The following CACNA1C variants were observed in gnomAD, a reference collection of about 807,000 sequenced individuals.
CACNA1C encodes calcium voltage-gated channel subunit alpha1 C.
Under a neutral mutation model 229.0 loss-of-function variants are expected in CACNA1C, and 30 were observed. The ratio of observed to expected loss-of-function variants is 0.13; its 90% CI spans 0.10 to 0.18. The LOEUF (loss-of-function observed/expected upper bound fraction) is 0.18, where lower values mean the gene tolerates loss of function less well. Among genes scored for constraint, CACNA1C ranks in the 10% least tolerant of loss-of-function variants. CACNA1C has a pLI of 1.00. For synonymous variants in CACNA1C, 1,114 were observed against 1,132.5 expected (o/e 0.98, Z 0.33); for missense variants, 1,658 against 2,845.0 (o/e 0.58, Z 9.49).
At chr12:2,540,668 G>A (rs888913232) in intron 9 of CACNA1C, among the ~76,000 whole-genome samples, 8 of 152,170 alleles carry the variant, frequency 5.3e-5, no homozygotes, top group East Asian at 1.9e-4. Context: ...CCTGGAATAC[G>A]TGCAGGAGGT....
intron 5 of CACNA1C, among the ~76,000 whole-genome samples, chr12:2,459,214 A>AC (rs1169567002): frequency 7.7e-6 from 1 of 130,710 alleles, no homozygotes; most frequent in Admixed American, 8.9e-5. Flanking sequence ...ACGGTGTTTC[A>AC]CCATGTTAGC....
In CACNA1C at chr12:2,601,414, G is replaced by A. The variant is rs1215261830; in HGVS notation, c.2854-440G>A. Among the ~76,000 whole-genome samples, 1 of 151,884 alleles carries A rather than the reference G, an allele frequency of 6.6e-6. No homozygotes were observed. The highest frequency in any genetic ancestry group is 2.4e-5 in the African/African-American group (1 of 41,390). Reference sequence around the variant, plus strand: ...CCCCCCAACCCACCCACTCACGGCAGATGTCTGGTGCTCTCAGCTGGCCTA... The same window carrying A: ...CCCCCCAACCCACCCACTCACGGCAAATGTCTGGTGCTCTCAGCTGGCCTA... On this transcript the variant is annotated intron_variant, in intron 21 of 46. Transcript: ENST00000399655. This position sits in a 1 kb window ranked among gnomAD's most constrained non-coding sequence, Gnocchi z 5.9.
chr12:2,291,151 G>A (rs1048300374), intron 3 of CACNA1C, among the ~76,000 whole-genome samples: 3 of 152,212 alleles, frequency 2.0e-5, no homozygotes, highest in East Asian at 1.9e-4. Flanking sequence ...ACCTACTAGC[G>A]TGTCTGGCAC....
intron 9 of CACNA1C, among the ~76,000 whole-genome samples, chr12:2,524,713 G>A (rs964541661): frequency 1.3e-5 from 2 of 152,262 alleles, no homozygotes; most frequent in South Asian, 2.1e-4. Flanking sequence ...CGGGCCAGCA[G>A]AAGAGGGAGC....
chr12:2,322,514 A>C (rs900703659), intron 3 of CACNA1C, among the ~76,000 whole-genome samples: 1 of 152,184 alleles, frequency 6.6e-6, no homozygotes. Context: ...GCAGGCTCAG[A>C]ACAGCCCTAT....
chr12:2,457,230 G>A (rs1029103284), intron 4 of CACNA1C, among the ~76,000 whole-genome samples: 2 of 152,208 alleles, frequency 1.3e-5, no homozygotes, highest in Admixed American at 6.5e-5. Context: ...AAGCCGGAGG[G>A]CTCCTCAAGG....
At chr12:2,538,868 A>C (rs994700092) in intron 9 of CACNA1C, among the ~76,000 whole-genome samples, 1 of 152,252 alleles carries the variant, frequency 6.6e-6, no homozygotes, top group Non-Finnish European at 1.5e-5. Context: ...CAGTTCCTCA[A>C]TTCCTGGGAA....
chr12:2,021,605 G>GAATCGCTTGCTGCTTAATA (rs1555232742), intron 1 of CACNA1C, among the ~76,000 whole-genome samples: 1 of 151,916 alleles, frequency 6.6e-6, no homozygotes, highest in African/African-American at 2.4e-5. Flanking sequence ...GCTTGAACCC[G>GAATCGCTTGCTGCTTAATA]GGAGGTGGAG....
chr12:2,417,058 A>G (rs996881071), intron 3 of CACNA1C, among the ~76,000 whole-genome samples: 1 of 152,212 alleles, frequency 6.6e-6, no homozygotes, highest in Non-Finnish European at 1.5e-5. Flanking sequence ...CAGTGGATCA[A>G]GTGTGCTGTT....
rs756963412 is a variant in CACNA1C, at chr12:2,611,930, A to T, written c.3745A>T (p.Ile1249Phe). 2 of 1,613,494 alleles carry T rather than the reference A, an allele frequency of 1.2e-6. No homozygotes were observed. The highest frequency in any genetic ancestry group is 1.7e-6 in the Non-Finnish European group (2 of 1,179,492). ...CTACGGCCAGAGCTGCCTGTTCAAA[A>T]TCGCCATGAACATCCTCAACATGCT... ...QHYGQSCLFK[I>F]AMNILNMLFT... Residue 1249 changes from isoleucine (I) to phenylalanine (F), a missense_variant, in exon 29 of 47, where the codon ATC becomes TTC. Coordinates refer to ENST00000399655, the MANE Select transcript of CACNA1C (RefSeq NM_000719.7).
At chr12:2,437,840 A>ATGGTGGTGATGGTGGTGGTAATGG (rs2099153560) in intron 3 of CACNA1C, among the ~76,000 whole-genome samples, 1 of 87,810 alleles carries the variant, frequency 1.1e-5, no homozygotes, top group Non-Finnish European at 2.8e-5. Flanking sequence ...GGTGGTAATG[A>ATGGTGGTGATGGTGGTGGTAATGG]TGGTGGTGAT....
At chr12:2,031,182 T>G (rs966275722) in intron 1 of CACNA1C, among the ~76,000 whole-genome samples, 1 of 152,182 alleles carries the variant, frequency 6.6e-6, no homozygotes, top group African/African-American at 2.4e-5. Context: ...GGTTCTTGCC[T>G]ACCAGGCAGA....
intron 5 of CACNA1C, among the ~76,000 whole-genome samples, chr12:2,476,891 A>T (rs543362002): frequency 1.3e-5 from 2 of 152,356 alleles, no homozygotes; most frequent in Admixed American, 6.5e-5. Context: ...ATAAAACTTG[A>T]GGCTGTAGGA....
chr12:2,305,101 T>A (rs1239163284), intron 3 of CACNA1C, among the ~76,000 whole-genome samples: 2 of 152,144 alleles, frequency 1.3e-5, no homozygotes, highest in African/African-American at 2.4e-5. Context: ...CTGGGAGGCA[T>A]CTGAATATCC....
chr12:2,017,816 C>T (rs2154485946), intron 1 of CACNA1C, among the ~76,000 whole-genome samples: 1 of 152,126 alleles, frequency 6.6e-6, no homozygotes, highest in Non-Finnish European at 1.5e-5. Context: ...ATGCCAGACT[C>T]ATTGTAATTA....
rs758143691 is a variant in CACNA1C, at chr12:2,664,928, C to T, written c.4336C>T (p.Pro1446Ser). ...EPSNSTEGET[P>S]CGSSFAVFYF... ...CAGCAACAGCACGGAGGGTGAAACACCCTGTGGTAGCAGCTTTGCTGTCTT... is the reference window on the plus strand; with the variant it reads ...CAGCAACAGCACGGAGGGTGAAACATCCTGTGGTAGCAGCTTTGCTGTCTT... Residue 1446 changes from proline to serine, a missense_variant, in exon 35 of 47, where the codon CCC becomes TCC. Transcript: ENST00000399655. 6.2e-7 allele frequency: 1 copy of T among 1,614,132 alleles called. No homozygotes were observed. Among genetic ancestry groups the T allele is most frequent in the Admixed American group, 1.7e-5 (1 of 60,020 alleles).
At position 2,647,778 on chromosome 12, in the gene CACNA1C, T is replaced by C. The variant is rs1454633416; in HGVS notation, c.3913-697T>C. ...TCAGCTGGCCCTGCCTGGGGTAAGC[T>C]AAAGTGCACAAAGCCTAAGTCCTCA... On this transcript the variant is annotated intron_variant, in intron 30 of 46. Transcript: ENST00000399655. The surrounding 1 kb of genome is among the most constrained non-coding windows in gnomAD (Gnocchi z 4.2). Among the ~76,000 whole-genome samples the C allele has an allele frequency of 1.3e-5, 2 of 152,084 alleles. No individual in the cohort carries two copies. The highest frequency in any genetic ancestry group is 1.9e-4 in the East Asian group (1 of 5,194).
At chr12:2,425,987 T>A (rs2099027850) in intron 3 of CACNA1C, among the ~76,000 whole-genome samples, 1 of 152,152 alleles carries the variant, frequency 6.6e-6, no homozygotes. Flanking sequence ...GGGGAACAGA[T>A]GACTATGTTC....
At chr12:2,092,857 C>T (rs1011268341) in intron 1 of CACNA1C, among the ~76,000 whole-genome samples, 2 of 152,174 alleles carry the variant, frequency 1.3e-5, no homozygotes, top group Non-Finnish European at 2.9e-5. Flanking sequence ...GGAAATGAGT[C>T]TCATGTCTAA....
Sources: allele counts gnomAD v4.1 joint callset (sites outside exome capture counted in the v4.1 genomes callset), GRCh38; gene constraint gnomAD v4.1.1; non-coding constraint Gnocchi (gnomAD v3.1); transcripts MANE v1.5; gene names NCBI Gene and HGNC (gene_info 2026-07-23, HGNC 2026-07-21).